ANO3: variants seen among roughly 807,000 people sequenced by gnomAD.
The protein encoded by ANO3 is anoctamin-3.
Under a neutral mutation model 144.8 loss-of-function variants are expected in ANO3, and 99 were observed. The ratio of observed to expected loss-of-function variants is 0.68; its 90% CI spans 0.58 to 0.81. The LOEUF is 0.81. Among genes scored for constraint, ANO3 ranks in the 30% least tolerant of loss-of-function variants. The pLI is 0.00. For missense variants in ANO3, 905 were observed against 1,202.2 expected (o/e 0.75, Z 3.66); for synonymous variants, 414 against 392.6 (o/e 1.05, Z -0.64).
chr11:26,581,148 C>T (rs1280575767), intron 14 of ANO3, among the ~76,000 whole-genome samples: 3 of 152,064 alleles, frequency 2.0e-5, no homozygotes, highest in Non-Finnish European at 2.9e-5. Flanking sequence ...CTAAGAGTCT[C>T]GGTTTGTTTA....
At chr11:26,595,635 G>C (rs558955151) in intron 14 of ANO3, among the ~76,000 whole-genome samples, 2 of 151,862 alleles carry the variant, frequency 1.3e-5, no homozygotes, top group Non-Finnish European at 2.9e-5. Flanking sequence ...TCAATCACCC[G>C]GGAGGAACCA....
chr11:26,522,096 A>G (rs1862101716), intron 6 of ANO3, among the ~76,000 whole-genome samples: 2 of 152,044 alleles, frequency 1.3e-5, no homozygotes, highest in African/African-American at 4.8e-5. Flanking sequence ...AGGCAAGAGA[A>G]TGGCGTGAAC....
At chr11:26,427,120 A>G (rs1857942078) in intron 1 of ANO3, 1 of 193,876 alleles carries the variant, frequency 5.2e-6, no homozygotes, top group East Asian at 1.2e-4. Context: ...AGTCACCTCT[A>G]TGTCATTTTA....
chr11:26,489,065 C>T (rs1056881720), intron 4 of ANO3, among the ~76,000 whole-genome samples: 1 of 152,182 alleles, frequency 6.6e-6, no homozygotes, highest in Admixed American at 6.5e-5. Context: ...CCCACCCGAC[C>T]CAGAAGCCCA....
At chr11:26,308,367 G>T (rs1235510410), upstream of ANO3, among the ~76,000 whole-genome samples, 1 of 152,098 alleles carries the variant, frequency 6.6e-6, no homozygotes, top group Non-Finnish European at 1.5e-5. Context: ...TTATATTTAA[G>T]GGGATTTCAT....
chr11:26,228,507 C>A (rs1852304447), intron 1 of ANO3, among the ~76,000 whole-genome samples: 1 of 152,210 alleles, frequency 6.6e-6, no homozygotes, highest in Non-Finnish European at 1.5e-5. Flanking sequence ...ATTCCTGAGA[C>A]ACAGATCAGT....
intron 1 of ANO3, among the ~76,000 whole-genome samples, chr11:26,384,104 G>A (rs1049487058): frequency 2.6e-5 from 4 of 151,694 alleles, no homozygotes; most frequent in African/African-American, 7.3e-5. Flanking sequence ...TGTTCACCAC[G>A]TTGGTCAGGC....
chr11:26,314,909 G>T (rs1854585921), intron 1 of ANO3, among the ~76,000 whole-genome samples: 1 of 152,110 alleles, frequency 6.6e-6, no homozygotes. Flanking sequence ...TGAGAAGCAT[G>T]CTCCATTAAT....
chr11:26,468,407 GT>G (rs1176043695), intron 4 of ANO3, among the ~76,000 whole-genome samples: 1 of 151,916 alleles, frequency 6.6e-6, no homozygotes, highest in African/African-American at 2.4e-5. Flanking sequence ...CAGGAAGAAG[GT>G]TATAGACAAG....
At chr11:26,299,737 C>T (rs79209446) in intron 1 of ANO3, among the ~76,000 whole-genome samples, 2,782 of 152,018 alleles carry the variant, frequency 0.018, 49 homozygotes, top group East Asian at 0.11. Flanking sequence ...GGGCTGCTGT[C>T]CTGAAGTAGG....
At chr11:26,651,174 A>G (rs964048319) in intron 24 of ANO3, among the ~76,000 whole-genome samples, 8 of 152,216 alleles carry the variant, frequency 5.3e-5, no homozygotes, top group Admixed American at 2.6e-4. Flanking sequence ...CTAATTTTCC[A>G]AATAACCCAT....
At chr11:26,401,806 G>A (rs528212415) in intron 1 of ANO3, among the ~76,000 whole-genome samples, 1 of 152,182 alleles carries the variant, frequency 6.6e-6, no homozygotes, top group African/African-American at 2.4e-5. Flanking sequence ...GAACCCAGGA[G>A]ACGGAGCTTT....
chr11:26,193,975 G>A (rs1276555807), intron 1 of ANO3, among the ~76,000 whole-genome samples: 8 of 152,122 alleles, frequency 5.3e-5, no homozygotes, highest in Admixed American at 5.2e-4. Flanking sequence ...GAATCACTCT[G>A]TGTTTCTGAC....
At chr11:26,309,780 G>A (rs887121855) in intron 1 of ANO3, 9 of 856,440 alleles carry the variant, frequency 1.1e-5, no homozygotes, top group Non-Finnish European at 1.3e-5. Flanking sequence ...ATATAATGTG[G>A]TAGCAACTCC....
chr11:26,450,358 C>T (rs1333960869), intron 3 of ANO3, among the ~76,000 whole-genome samples: 2 of 152,122 alleles, frequency 1.3e-5, no homozygotes, highest in Non-Finnish European at 2.9e-5. Flanking sequence ...GAGCACAGCT[C>T]TGTCAGTACC....
At chr11:26,534,432 A>G (rs372555944) in intron 8 of ANO3, 24 bp from the exon 9 acceptor site, 1 of 1,509,136 alleles carries the variant, frequency 6.6e-7, no homozygotes, top group Non-Finnish European at 9.2e-7. Flanking sequence ...TTTGAATATT[A>G]AACCAATCCC....
At chr11:26,217,249 G>T (rs770153072) in intron 1 of ANO3, among the ~76,000 whole-genome samples, 3 of 151,972 alleles carry the variant, frequency 2.0e-5, no homozygotes, top group Non-Finnish European at 2.9e-5. Flanking sequence ...CAAAGATAAG[G>T]TCTGTGTCTA....
intron 1 of ANO3, among the ~76,000 whole-genome samples, chr11:26,197,926 C>A (rs1851621529): frequency 1.3e-5 from 2 of 152,124 alleles, no homozygotes; most frequent in Non-Finnish European, 2.9e-5. Flanking sequence ...CCTCTGACCC[C>A]ATGGCATCTC....
intron 4 of ANO3, among the ~76,000 whole-genome samples, chr11:26,480,682 C>G (rs1316207156): frequency 6.6e-6 from 1 of 151,914 alleles, no homozygotes; most frequent in East Asian, 1.9e-4. Flanking sequence ...GTGGCTCGTA[C>G]CTGTAGACCC....
Sources: gnomAD v4.1 joint callset for allele counts (sites outside exome capture counted in the v4.1 genomes callset) on GRCh38, gnomAD v4.1.1 for gene constraint, MANE v1.5 for transcripts, NCBI Gene and HGNC (gene_info 2026-07-23, HGNC 2026-07-21) for gene names.